Variants in FGGY observed in about 807,000 individuals in gnomAD.
The protein encoded by FGGY is FGGY carbohydrate kinase domain-containing protein.
Under a neutral mutation model 71.3 loss-of-function variants are expected in FGGY, and 72 were observed. The observed-to-expected ratio is 1.01, with a 90% CI of 0.84 to 1.23. The LOEUF is 1.23. Among genes scored for constraint, FGGY ranks in the 50% most tolerant of loss-of-function variants. The pLI, the probability that FGGY is intolerant of heterozygous loss-of-function variation, is 0.00. For synonymous variants in FGGY, 251 were observed against 250.3 expected (o/e 1.00, Z -0.02); for missense variants, 668 against 682.3 (o/e 0.98, Z 0.23).
chr1:59,729,198 TATC>T (rs2097991667), intron 14 of FGGY, among the ~76,000 whole-genome samples: 1 of 151,922 alleles, frequency 6.6e-6, no homozygotes, highest in Non-Finnish European at 1.5e-5. Flanking sequence ...TTATTATTAT[TATC>T]ATTATTATTA....
intron 5 of FGGY, among the ~76,000 whole-genome samples, chr1:59,394,297 A>G (rs1380354409): frequency 6.6e-6 from 1 of 152,166 alleles, no homozygotes; most frequent in Non-Finnish European, 1.5e-5. Flanking sequence ...TTAATCTCAT[A>G]TTCATAATTG....
At chr1:59,694,842 T>C (rs937347424) in intron 14 of FGGY, among the ~76,000 whole-genome samples, 5 of 152,204 alleles carry the variant, frequency 3.3e-5, no homozygotes, top group African/African-American at 1.2e-4. Flanking sequence ...GGCGTCTTCA[T>C]AGCAAGGCAT....
intron 5 of FGGY, among the ~76,000 whole-genome samples, chr1:59,386,184 GA>G (rs11324790): frequency 0.029 from 4,413 of 151,978 alleles, 219 homozygotes; most frequent in African/African-American, 0.1. Flanking sequence ...ACTTTATTCC[GA>G]TTTTTTTAGT....
intron 5 of FGGY, among the ~76,000 whole-genome samples, chr1:59,433,414 AGAT>A (rs2067786333): frequency 1.3e-5 from 2 of 152,128 alleles, no homozygotes; most frequent in African/African-American, 2.4e-5. Context: ...GATCTCTCAA[AGAT>A]GATGATGTAT....
chr1:59,622,330 G>T (rs1416296090), intron 9 of FGGY, among the ~76,000 whole-genome samples: 2 of 151,942 alleles, frequency 1.3e-5, no homozygotes, highest in African/African-American at 4.8e-5. Flanking sequence ...CTTAAGTATG[G>T]ATTACATTTT....
Position 59,441,193 on chromosome 1 carries a change from G to A in FGGY, c.555-15768G>A, listed in dbSNP as rs552285408. Among the ~76,000 whole-genome samples, 7 of 152,096 alleles carry A rather than the reference G, an allele frequency of 4.6e-5. No individual in the cohort carries two copies. The East Asian group carries it at 5.8e-4, about 13-fold the overall frequency. Reference sequence around the variant, plus strand: ...TCAAGGGAGAAGACCTAGTACTCACGTCTATCTATCTGCAGTGCCATGCTG... The same window carrying A: ...TCAAGGGAGAAGACCTAGTACTCACATCTATCTATCTGCAGTGCCATGCTG... On this transcript the variant is annotated intron_variant, in intron 5 of 15. Coordinates refer to ENST00000303721, the MANE Select transcript of FGGY (RefSeq NM_018291.5).
intron 1 of FGGY, among the ~76,000 whole-genome samples, chr1:59,297,801 G>C (rs2153070125): frequency 6.6e-6 from 1 of 150,768 alleles, no homozygotes; most frequent in Non-Finnish European, 1.5e-5. Context: ...CCAGCCTGGG[G>C]GACAGAGCGT....
intron 6 of FGGY, among the ~76,000 whole-genome samples, chr1:59,468,213 G>A (rs2092748868): frequency 6.6e-6 from 1 of 152,050 alleles, no homozygotes; most frequent in African/African-American, 2.4e-5. Context: ...GGCTTCAATT[G>A]TTTCTAAACC....
intron 8 of FGGY, among the ~76,000 whole-genome samples, chr1:59,590,796 A>T (rs1396510879): frequency 6.6e-6 from 1 of 152,200 alleles, no homozygotes; most frequent in Non-Finnish European, 1.5e-5. Context: ...TCTCAAAATA[A>T]TAAGAGCTAT....
chr1:59,480,028 T>C (rs1044428507), intron 6 of FGGY, among the ~76,000 whole-genome samples: 1 of 152,190 alleles, frequency 6.6e-6, no homozygotes, highest in Non-Finnish European at 1.5e-5. Flanking sequence ...TCTTTCCACC[T>C]CAAAATGCTA....
intron 8 of FGGY, among the ~76,000 whole-genome samples, chr1:59,606,193 T>C (rs2096621956): frequency 6.6e-6 from 1 of 152,210 alleles, no homozygotes; most frequent in African/African-American, 2.4e-5. Context: ...TCTTGATTAC[T>C]GAGAGCACCT....
chr1:59,388,535 C>T (rs2060341170), intron 5 of FGGY, among the ~76,000 whole-genome samples: 2 of 152,096 alleles, frequency 1.3e-5, no homozygotes, highest in African/African-American at 4.8e-5. Flanking sequence ...GAGAAACTTG[C>T]ACCTTAATAC....
chr1:59,305,488 T>C (rs1299598651), intron 1 of FGGY, among the ~76,000 whole-genome samples: 1 of 152,216 alleles, frequency 6.6e-6, no homozygotes, highest in African/African-American at 2.4e-5. Context: ...TGCATCTGTG[T>C]TCATTGTGGA....
chr1:59,600,403 C>T (rs1026959347), intron 8 of FGGY, among the ~76,000 whole-genome samples: 3 of 152,140 alleles, frequency 2.0e-5, no homozygotes, highest in African/African-American at 7.2e-5. Flanking sequence ...ATGTGGAGCT[C>T]AGGAGCAAGG....
At chr1:59,739,563 A>C (rs886757695) in intron 14 of FGGY, among the ~76,000 whole-genome samples, 12 of 152,186 alleles carry the variant, frequency 7.9e-5, no homozygotes, top group Non-Finnish European at 1.5e-5. Context: ...CCAGCTAAAC[A>C]GACCTGTCTG....
chr1:59,614,844 A>C (rs1286725387), intron 9 of FGGY, among the ~76,000 whole-genome samples: 1 of 152,214 alleles, frequency 6.6e-6, no homozygotes, highest in Non-Finnish European at 1.5e-5. Flanking sequence ...AAGCATTCTT[A>C]TACACCAATA....
At chr1:59,700,188 A>T (rs2097698399) in intron 14 of FGGY, among the ~76,000 whole-genome samples, 1 of 152,246 alleles carries the variant, frequency 6.6e-6, no homozygotes. Context: ...AACTTTGTAC[A>T]CTGTAGGAAT....
intron 5 of FGGY, among the ~76,000 whole-genome samples, chr1:59,410,929 C>T (rs1317302963): frequency 6.6e-6 from 1 of 152,146 alleles, no homozygotes; most frequent in Admixed American, 6.5e-5. Context: ...CTATGGGAAC[C>T]TTCTGTGTCA....
intron 8 of FGGY, among the ~76,000 whole-genome samples, chr1:59,556,182 C>A (rs1203683020): frequency 6.6e-6 from 1 of 152,200 alleles, no homozygotes; most frequent in Non-Finnish European, 1.5e-5. Context: ...ATTGTCTTCA[C>A]TGAATACTGA....
Sources: gnomAD v4.1 joint callset for allele counts (sites outside exome capture counted in the v4.1 genomes callset) on GRCh38, gnomAD v4.1.1 for gene constraint, MANE v1.5 for transcripts, NCBI Gene and HGNC (gene_info 2026-07-23, HGNC 2026-07-21) for gene names.